The following RNF150 variants were observed in gnomAD, a reference collection of about 807,000 sequenced individuals.
The protein encoded by RNF150 is ring finger protein 150.
In RNF150, 24 loss-of-function variants were observed where a neutral mutation model predicts 39.3. That is an observed-to-expected ratio of 0.61 (90% CI 0.44 to 0.86). The LOEUF (loss-of-function observed/expected upper bound fraction) is 0.86, where lower values mean the gene tolerates loss of function less well. Among genes scored for constraint, RNF150 ranks in the 40% least tolerant of loss-of-function variants. The pLI, the probability that RNF150 is intolerant of heterozygous loss-of-function variation, is 0.00. For synonymous variants in RNF150, 255 were observed against 227.3 expected (o/e 1.12, Z -1.10); for missense variants, 502 against 587.8 (o/e 0.85, Z 1.51).
intron 1 of RNF150, among the ~76,000 whole-genome samples, chr4:141,015,878 G>A (rs1735251662): frequency 6.6e-6 from 1 of 151,982 alleles, no homozygotes; most frequent in African/African-American, 2.4e-5. Flanking sequence ...TCACTCCAGA[G>A]TTCTGGGATA....
intron 1 of RNF150, among the ~76,000 whole-genome samples, chr4:141,102,236 A>G (rs1739038030): frequency 6.6e-6 from 1 of 152,194 alleles, no homozygotes. Context: ...TTTCTTCAAT[A>G]CGAATGCTGT....
At chr4:141,193,641 C>A (rs998241097) in intron 1 of RNF150, among the ~76,000 whole-genome samples, 1 of 152,048 alleles carries the variant, frequency 6.6e-6, no homozygotes, top group Admixed American at 6.6e-5. Context: ...CATCTTCTGC[C>A]TCCACCTGCC....
chr4:141,060,458 AAAAAGAAAAT>A (rs1429313462), intron 1 of RNF150, among the ~76,000 whole-genome samples: 2 of 152,218 alleles, frequency 1.3e-5, no homozygotes, highest in Non-Finnish European at 2.9e-5. Flanking sequence ...ACTAAAAAGA[AAAAAGAAAAT>A]AAAAGAAAAT....
Position 141,186,883 on chromosome 4 carries a change from T to G in RNF150, c.-6+25911A>C, listed in dbSNP as rs139569513. Among the ~76,000 whole-genome samples the G allele has an allele frequency of 2.3e-3, 350 of 152,302 alleles. 1 individual carries two copies. The highest frequency in any genetic ancestry group is 7.4e-3 in the African/African-American group (306 of 41,556). Reference sequence around the variant, plus strand: ...TTCTGTTCTGATCTTAGTTATTTCCTGTCTTCTGCTAGTTTTTGCATTTCT... The same window carrying G: ...TTCTGTTCTGATCTTAGTTATTTCCGGTCTTCTGCTAGTTTTTGCATTTCT... On this transcript the variant is annotated intron_variant, in intron 1 of 7. Transcript: ENST00000420921.
At chr4:141,078,566 G>C (rs1737996401) in intron 1 of RNF150, among the ~76,000 whole-genome samples, 1 of 151,304 alleles carries the variant, frequency 6.6e-6, no homozygotes, top group Non-Finnish European at 1.5e-5. Context: ...GGCAGATCAC[G>C]AAGTCAGGAG....
At chr4:140,933,200 A>G (rs1731717781) in intron 4 of RNF150, among the ~76,000 whole-genome samples, 1 of 152,208 alleles carries the variant, frequency 6.6e-6, no homozygotes, top group Non-Finnish European at 1.5e-5. Context: ...CAGCGAAGGG[A>G]GAAGTTTGTG....
intron 5 of RNF150, among the ~76,000 whole-genome samples, chr4:140,914,327 A>G (rs1730731067): frequency 6.6e-6 from 1 of 152,254 alleles, no homozygotes. Flanking sequence ...AAATGGAACA[A>G]TATTTTGAAA....
chr4:141,035,134 C>T lies in RNF150; in HGVS notation c.485-67261G>A, dbSNP rs1366762507. On this transcript the variant is annotated intron_variant, in intron 1 of 6. Transcript: ENST00000515673. ...TTAACTCAAAAAGCCATAGCTCCAA[C>T]AAGTTTTAACGACTTCAAAGGCATT... Among the ~76,000 whole-genome samples the T allele has an allele frequency of 2.6e-5, 4 of 152,200 alleles. No individual in the cohort carries two copies. The East Asian group carries it at 7.7e-4, about 29-fold the overall frequency.
chr4:141,170,311 A>G (rs1312130862), intron 1 of RNF150, among the ~76,000 whole-genome samples: 1 of 152,218 alleles, frequency 6.6e-6, no homozygotes, highest in Non-Finnish European at 1.5e-5. Flanking sequence ...ACTTTATCAT[A>G]TAGATGACAC....
chr4:141,211,078 G>T (rs1252397828), intron 1 of RNF150, among the ~76,000 whole-genome samples: 1 of 152,044 alleles, frequency 6.6e-6, no homozygotes, highest in Non-Finnish European at 1.5e-5. Context: ...TCCTTGTCTT[G>T]GACTTCTTGT....
At chr4:141,086,507 G>A (rs767139905) in intron 1 of RNF150, among the ~76,000 whole-genome samples, 6 of 151,822 alleles carry the variant, frequency 4.0e-5, no homozygotes, top group Non-Finnish European at 8.8e-5. Context: ...AATTAGTAGA[G>A]GGTATGTACA....
At position 141,133,001 on chromosome 4, in the gene RNF150, C is replaced by G; in HGVS notation, c.-193G>C. 2 of 531,782 alleles carry G rather than the reference C, an allele frequency of 3.8e-6. No homozygotes were observed. The highest frequency in any genetic ancestry group is 3.5e-5 in the East Asian group (1 of 28,400). 32.9% of individuals were successfully genotyped at this position (531,782 alleles called of 1,614,324 possible). The stretch of plus-strand genomic sequence containing the variant: ...GGCGAGCGGATGGCGCTGGCCCCTT[C>G]CCCTCTCAGCTGTAGCGCGGTGGTT... On this transcript the variant is annotated 5_prime_UTR_variant, in exon 1 of 7. Coordinates refer to ENST00000515673, the MANE Select transcript of RNF150 (RefSeq NM_020724.2).
At chr4:140,889,058 G>C (rs1729673145) in intron 6 of RNF150, among the ~76,000 whole-genome samples, 1 of 151,256 alleles carries the variant, frequency 6.6e-6, no homozygotes, top group Non-Finnish European at 1.5e-5. Flanking sequence ...TTTTTTAAAT[G>C]AAAAAATAGA....
intron 1 of RNF150, among the ~76,000 whole-genome samples, chr4:141,012,781 CA>C (rs397995597): frequency 0.014 from 970 of 71,400 alleles, 14 homozygotes; most frequent in African/African-American, 0.048. Flanking sequence ...GACTCTGTCT[CA>C]AAAAAAAAAA....
rs189019545 is a variant in RNF150, at chr4:140,926,333, A to G, written c.891-260T>C. ...TTCAGAAAATGTAGAAAATGCAGAA[A>G]CTGAGAGATTTTTCTTTTTCTCAAT... On this transcript the variant is annotated intron_variant, in intron 4 of 6. Coordinates refer to ENST00000515673, the MANE Select transcript of RNF150 (RefSeq NM_020724.2). Among the ~76,000 whole-genome samples, 10 of 152,326 alleles carry G rather than the reference A, an allele frequency of 6.6e-5. No individual in the cohort carries two copies. In the East Asian group the frequency reaches 1.9e-3, roughly 29 times the overall value.
chr4:140,936,086 T>C (rs913073927), intron 4 of RNF150, among the ~76,000 whole-genome samples: 7 of 152,260 alleles, frequency 4.6e-5, no homozygotes, highest in Admixed American at 6.5e-5. Context: ...GGTTTTCAGA[T>C]TCATCTGTGC....
chr4:140,874,896 C>G (rs577077916), intron 6 of RNF150, among the ~76,000 whole-genome samples: 1 of 152,302 alleles, frequency 6.6e-6, no homozygotes, highest in Middle Eastern at 3.4e-3. Flanking sequence ...AACTTCTGAT[C>G]TCAAGGAATC....
intron 1 of RNF150, among the ~76,000 whole-genome samples, chr4:141,155,893 G>C (rs1727386718): frequency 1.3e-5 from 2 of 150,390 alleles, no homozygotes; most frequent in South Asian, 2.1e-4. Flanking sequence ...CTTTCAAAAG[G>C]ACAGGTTTCT....
intron 1 of RNF150, among the ~76,000 whole-genome samples, chr4:141,038,925 C>A (rs1053966369): frequency 2.0e-4 from 31 of 151,956 alleles, no homozygotes; most frequent in Non-Finnish European, 3.4e-4. Context: ...AGGAGCCAGG[C>A]CTTTGGGGAG....
Sources: gnomAD v4.1 joint callset for allele counts (sites outside exome capture counted in the v4.1 genomes callset) on GRCh38, gnomAD v4.1.1 for gene constraint, MANE v1.5 for transcripts, NCBI Gene and HGNC (gene_info 2026-07-23, HGNC 2026-07-21) for gene names.